The following MMS19 variants were observed in gnomAD, a reference collection of about 807,000 sequenced individuals.
MMS19 encodes the protein MMS19 cytosolic iron-sulfur assembly component.
MMS19 carries 77 observed loss-of-function variants against 129.8 expected under a neutral mutation model. The ratio of observed to expected loss-of-function variants is 0.59; its 90% confidence interval spans 0.49 to 0.72. The LOEUF is 0.72. Among genes scored for constraint, MMS19 ranks in the 30% least tolerant of loss-of-function variants. MMS19 has a pLI of 0.00. For synonymous variants in MMS19, 491 were observed against 502.8 expected, an observed-to-expected ratio of 0.98 and a Z score of 0.31; for missense variants, 1,168 against 1,266.3, an observed-to-expected ratio of 0.92 and a Z score of 1.18.
intron 1 of MMS19, among the ~76,000 whole-genome samples, chr10:97,497,982 G>A (rs2040118044): frequency 6.6e-6 from 1 of 152,226 alleles, no homozygotes; most frequent in Non-Finnish European, 1.5e-5. Context: ...TGCCTGGTCT[G>A]CAGCCCTGCG....
At chr10:97,461,274 A>G (rs2031816430) in intron 23 of MMS19, 1 of 625,586 alleles carries the variant, frequency 1.6e-6, no homozygotes, top group African/African-American at 1.8e-5. Context: ...GGACGGCAGA[A>G]CTAGACTCTT....
chr10:97,459,642 C>G lies in MMS19; in HGVS notation c.2739+17G>C. ...TAGCTTTGTCCTTTGCTTAGAAGCT[C>G]TGCCTGTGGGACTTACCGTGGGCAG... On this transcript the variant is annotated intron_variant, in intron 27 of 30. Coordinates refer to ENST00000438925, the MANE Select transcript of MMS19 (RefSeq NM_022362.5). 1 of 1,595,394 alleles carries G rather than the reference C, an allele frequency of 6.3e-7. No individual in the cohort carries two copies. The highest frequency in any genetic ancestry group is 8.5e-7 in the Non-Finnish European group (1 of 1,172,186).
intron 26 of MMS19, 122 bp downstream of exon 26, chr10:97,459,924 T>A: frequency 9.0e-7 from 1 of 1,116,722 alleles, no homozygotes; most frequent in Non-Finnish European, 1.3e-6. Context: ...AGAAGTTTAG[T>A]CTTCTAGGCA....
rs201996306 is a variant in MMS19 at position 97,498,398 on chromosome 10, G to A, written c.-14C>T. On this transcript the variant is annotated 5_prime_UTR_variant, in exon 1 of 31. Transcript: ENST00000438925. ...GGCAGCGGCCATAACGCGAACTAGA[G>A]ACCGTGGGAGGGGATATGGGCGGTG... The A allele has an allele frequency of 1.8e-4, 287 of 1,578,614 alleles. No homozygotes were observed. The African/African-American group carries it at 3.1e-3, about 17-fold the overall frequency.
intron 1 of MMS19, among the ~76,000 whole-genome samples, chr10:97,491,887 T>A (rs2038951896): frequency 6.6e-6 from 1 of 151,958 alleles, no homozygotes; most frequent in Admixed American, 6.6e-5. Context: ...ATGCCAGTAA[T>A]CCTAGTACTC....
At chr10:97,486,068 C>T (rs945309178) in intron 1 of MMS19, among the ~76,000 whole-genome samples, 109 of 152,246 alleles carry the variant, frequency 7.2e-4, no homozygotes, top group African/African-American at 2.5e-3. Flanking sequence ...GATCTGGTAG[C>T]AACCTAAGTG....
chr10:97,483,467 CCCAGTTTT>C (rs2037260340), intron 2 of MMS19, among the ~76,000 whole-genome samples: 1 of 151,996 alleles, frequency 6.6e-6, no homozygotes, highest in Non-Finnish European at 1.5e-5. Flanking sequence ...TTTAATTTCC[CCCAGTTTT>C]CTAGTTTTCT....
chr10:97,468,600 C>T (rs1435386704), intron 12 of MMS19, among the ~76,000 whole-genome samples, 194 bp from the exon 13 acceptor site: 1 of 152,142 alleles, frequency 6.6e-6, no homozygotes, highest in Non-Finnish European at 1.5e-5. Flanking sequence ...AGGTCACTGG[C>T]CCTTAAGGAA....
chr10:97,492,834 G>A (rs1251956847), intron 1 of MMS19, among the ~76,000 whole-genome samples: 1 of 142,354 alleles, frequency 7.0e-6, no homozygotes, highest in Non-Finnish European at 1.5e-5. Flanking sequence ...ACACCAGCCT[G>A]GGCAACAGAG....
At chr10:97,492,225 C>T (rs2039029725) in intron 1 of MMS19, among the ~76,000 whole-genome samples, 1 of 150,320 alleles carries the variant, frequency 6.7e-6, no homozygotes, top group Non-Finnish European at 1.5e-5. Context: ...AATCCCAGCA[C>T]TTTGGGAGGC....
At chr10:97,473,105 G>A (rs2035067980) in intron 8 of MMS19, among the ~76,000 whole-genome samples, 1 of 150,708 alleles carries the variant, frequency 6.6e-6, no homozygotes, top group South Asian at 2.1e-4. Flanking sequence ...GCGTGATCTC[G>A]GCTCACTGTA....
chr10:97,482,158 A>G (rs2036921657), intron 2 of MMS19, among the ~76,000 whole-genome samples: 2 of 152,226 alleles, frequency 1.3e-5, no homozygotes, highest in Admixed American at 1.3e-4. Flanking sequence ...CTCGATTAAC[A>G]GAGTGAGACC....
chr10:97,464,603 T>C (rs1226156835), intron 18 of MMS19, among the ~76,000 whole-genome samples: 3 of 152,230 alleles, frequency 2.0e-5, no homozygotes, highest in African/African-American at 7.2e-5. Context: ...ATGTCACCCA[T>C]GCTGCTGGTT....
chr10:97,463,780 A>G (rs1332124183), intron 19 of MMS19, 78 bp downstream of exon 19: 9 of 1,266,762 alleles, frequency 7.1e-6, no homozygotes, highest in Non-Finnish European at 1.0e-5. Context: ...AGTACCACCA[A>G]TACCCAGAGG....
chr10:97,473,434 T>G (rs2035150028), intron 8 of MMS19, among the ~76,000 whole-genome samples: 2 of 151,994 alleles, frequency 1.3e-5, no homozygotes, highest in South Asian at 4.1e-4. Flanking sequence ...TCTCACTTCT[T>G]CATACATTCT....
chr10:97,498,015 G>A (rs1201313493), intron 1 of MMS19, among the ~76,000 whole-genome samples: 1 of 152,248 alleles, frequency 6.6e-6, no homozygotes, highest in Non-Finnish European at 1.5e-5. Flanking sequence ...CCCTCGCTGA[G>A]CCTCAGTTTC....
intron 8 of MMS19, among the ~76,000 whole-genome samples, chr10:97,473,040 TA>T (rs936795288): frequency 6.6e-6 from 1 of 151,974 alleles, no homozygotes; most frequent in African/African-American, 2.4e-5. Flanking sequence ...TCTTTTTATT[TA>T]TTTTTTTTTT....
Position 97,462,574 on chromosome 10 carries a change from T to A in MMS19, c.2012+9A>T. 6.2e-7 allele frequency: 1 copy of A among 1,607,560 alleles called. No homozygotes were observed. Among genetic ancestry groups the A allele is most frequent in the Non-Finnish European group, 8.5e-7 (1 of 1,174,066 alleles). On this transcript the variant is annotated intron_variant, in intron 20 of 30. Coordinates refer to ENST00000438925, the MANE Select transcript of MMS19 (RefSeq NM_022362.5). ...CCTGGGTTCAAGCCACATCCATGAT[T>A]ATACTTACTCAGGGCTCAGGTGGGT...
intron 2 of MMS19, among the ~76,000 whole-genome samples, chr10:97,482,352 CAAGAA>C (rs1305546551): frequency 6.6e-6 from 1 of 152,016 alleles, no homozygotes; most frequent in Non-Finnish European, 1.5e-5. Flanking sequence ...TATTATTCAG[CAAGAA>C]AAGAAATGCA....
Sources: allele counts gnomAD v4.1 joint callset (sites outside exome capture counted in the v4.1 genomes callset), GRCh38; gene constraint gnomAD v4.1.1; transcripts MANE v1.5; gene names NCBI Gene and HGNC (gene_info 2026-07-23, HGNC 2026-07-21).